The following SCFD2 variants were observed in gnomAD, a reference collection of about 807,000 sequenced individuals.
SCFD2 encodes sec1 family domain-containing protein 2.
SCFD2 carries 54 observed loss-of-function variants against 58.9 expected under a neutral mutation model. That is an observed-to-expected ratio of 0.92 (90% CI 0.74 to 1.15). SCFD2 has a LOEUF of 1.15. Among genes scored for constraint, SCFD2 ranks in the 50% most tolerant of loss-of-function variants. SCFD2 has a pLI of 0.00. For missense variants in SCFD2, 805 were observed against 836.6 expected, an observed-to-expected ratio of 0.96 and a Z score of 0.47; for synonymous variants, 321 against 335.9, an observed-to-expected ratio of 0.96 and a Z score of 0.49.
At chr4:53,317,229 G>A (rs137936365) in intron 2 of SCFD2, among the ~76,000 whole-genome samples, 1 of 152,204 alleles carries the variant, frequency 6.6e-6, no homozygotes, top group African/African-American at 2.4e-5. Flanking sequence ...GTCATTTTAA[G>A]TTTATCAAGG....
chr4:53,325,265 G>A (rs140390722), intron 2 of SCFD2, among the ~76,000 whole-genome samples: 99 of 151,608 alleles, frequency 6.5e-4, no homozygotes, highest in African/African-American at 2.3e-3. Flanking sequence ...CTTTCTAGGG[G>A]GCACAGAGGA....
intron 3 of SCFD2, among the ~76,000 whole-genome samples, chr4:53,309,327 T>C (rs1324654339): frequency 6.6e-6 from 1 of 152,218 alleles, no homozygotes; most frequent in Non-Finnish European, 1.5e-5. Flanking sequence ...GAACTCATCG[T>C]ATTTAATTAG....
At chr4:53,237,464 G>A (rs191071672) in intron 4 of SCFD2, among the ~76,000 whole-genome samples, 8,141 of 110,826 alleles carry the variant, frequency 0.073, 481 homozygotes, top group East Asian at 0.16. Context: ...CTGGCCGGGC[G>A]GGGGGGCTGA....
chr4:53,236,289 C>G (rs1275939591), intron 4 of SCFD2, among the ~76,000 whole-genome samples: 1 of 152,108 alleles, frequency 6.6e-6, no homozygotes, highest in East Asian at 1.9e-4. Flanking sequence ...TTTTGGGACT[C>G]AGACTGGCTC....
At chr4:53,314,790 T>C (rs562205979) in intron 2 of SCFD2, among the ~76,000 whole-genome samples, 47 of 152,350 alleles carry the variant, frequency 3.1e-4, no homozygotes, top group African/African-American at 1.1e-3. Flanking sequence ...CTGAGTTTAA[T>C]GCCTGACACA....
chr4:53,365,480 G>C lies in SCFD2; in HGVS notation c.462C>G (p.Phe154Leu). The change falls in exon 1 of 9, where the codon TTC becomes TTG. Residue 154 changes from phenylalanine to leucine, a missense_variant. Physicochemically the swap from Phe to Leu is conservative, Grantham distance 22 (BLOSUM62 0). Around this residue, in one of 3 missense-constraint regions of SCFD2, gnomAD observed 633 missense variants for 646.8 expected, o/e 0.98. Coordinates refer to ENST00000401642, the MANE Select transcript of SCFD2 (RefSeq NM_152540.4). The surrounding 1 kb of genome is among the most constrained non-coding windows in gnomAD (Gnocchi z 4.3). ...MGNMNYTAEV[F>L]HVPLLLAPVA... The stretch of plus-strand genomic sequence containing the variant: ...CAGGGGCAAGCAATAACGGGACATG[G>C]AACACCTCGGCCGTGTAGTTCATGT... 1 of 1,614,208 alleles carries C rather than the reference G, an allele frequency of 6.2e-7. No homozygotes were observed. Among genetic ancestry groups the C allele is most frequent in the Non-Finnish European group, 8.5e-7 (1 of 1,180,040 alleles).
chr4:53,312,183 T>C (rs1389691648), intron 3 of SCFD2, among the ~76,000 whole-genome samples: 1 of 152,184 alleles, frequency 6.6e-6, no homozygotes, highest in Non-Finnish European at 1.5e-5. Context: ...GGCTAGGGCA[T>C]GTCTGTCTGC....
chr4:52,961,969 AC>A (rs901979274), intron 5 of SCFD2, among the ~76,000 whole-genome samples: 3 of 152,168 alleles, frequency 2.0e-5, no homozygotes, highest in African/African-American at 7.2e-5. Flanking sequence ...GAAAGAACTG[AC>A]CCCACGTTGG....
chr4:53,050,097 A>G (rs1480088303), intron 5 of SCFD2, among the ~76,000 whole-genome samples: 2 of 152,220 alleles, frequency 1.3e-5, no homozygotes, highest in African/African-American at 4.8e-5. Flanking sequence ...TAGTCATATA[A>G]TGGAGGTAAG....
intron 5 of SCFD2, among the ~76,000 whole-genome samples, chr4:53,107,309 C>T (rs1291099630): frequency 1.3e-5 from 2 of 152,208 alleles, no homozygotes; most frequent in Non-Finnish European, 2.9e-5. Context: ...TATGAAGAAA[C>T]TGCATCCAGT....
chr4:53,156,677 G>T (rs551907696), intron 4 of SCFD2, among the ~76,000 whole-genome samples: 1 of 152,214 alleles, frequency 6.6e-6, no homozygotes, highest in East Asian at 1.9e-4. Context: ...CAGCTTGGGC[G>T]ACAGAGTGAG....
At chr4:53,001,686 A>C (rs1356125834) in intron 5 of SCFD2, among the ~76,000 whole-genome samples, 2 of 152,238 alleles carry the variant, frequency 1.3e-5, no homozygotes, top group Non-Finnish European at 2.9e-5. Flanking sequence ...TGAACACTCA[A>C]AATTGACGTT....
chr4:52,963,612 T>G (rs540367484), intron 5 of SCFD2, among the ~76,000 whole-genome samples: 5 of 152,332 alleles, frequency 3.3e-5, no homozygotes, highest in African/African-American at 7.2e-5. Flanking sequence ...CACACTCAAC[T>G]GTCTGCAAAA....
chr4:53,136,178 A>G (rs1406278079), intron 5 of SCFD2, among the ~76,000 whole-genome samples: 1 of 152,208 alleles, frequency 6.6e-6, no homozygotes, highest in Non-Finnish European at 1.5e-5. Flanking sequence ...AGGTTTTCCC[A>G]GGGATCCGTA....
At chr4:53,102,712 A>C (rs753664520) in intron 5 of SCFD2, among the ~76,000 whole-genome samples, 5 of 152,130 alleles carry the variant, frequency 3.3e-5, no homozygotes, top group Non-Finnish European at 7.4e-5. Context: ...AAAAAACAAA[A>C]GCTTGTTGGT....
At chr4:52,981,123 T>G (rs1446968683) in intron 5 of SCFD2, among the ~76,000 whole-genome samples, 1 of 152,236 alleles carries the variant, frequency 6.6e-6, no homozygotes, top group Non-Finnish European at 1.5e-5. Flanking sequence ...GGAACAATTC[T>G]AGTTTGGATG....
chr4:53,134,927 C>T (rs1725893540), intron 5 of SCFD2, among the ~76,000 whole-genome samples: 1 of 152,100 alleles, frequency 6.6e-6, no homozygotes, highest in Admixed American at 6.5e-5. Flanking sequence ...AACTGCCTCT[C>T]AGCCTTTTCT....
intron 5 of SCFD2, among the ~76,000 whole-genome samples, chr4:52,936,155 G>A (rs1476480334): frequency 6.6e-6 from 1 of 152,024 alleles, no homozygotes; most frequent in East Asian, 1.9e-4. Flanking sequence ...CTTTTTCATG[G>A]CTGTCTAAAT....
chr4:52,888,914 G>A (rs948429762), intron 7 of SCFD2, among the ~76,000 whole-genome samples: 3 of 152,068 alleles, frequency 2.0e-5, no homozygotes, highest in Admixed American at 1.3e-4. Context: ...TCCTGCAGAC[G>A]ACACCTCCTG....
Sources: allele counts gnomAD v4.1 joint callset (sites outside exome capture counted in the v4.1 genomes callset), GRCh38; gene constraint gnomAD v4.1.1; regional missense constraint gnomAD v4.1.1; non-coding constraint Gnocchi (gnomAD v3.1); transcripts MANE v1.5; gene names NCBI Gene and HGNC (gene_info 2026-07-23, HGNC 2026-07-21).